APBA3: variants seen among roughly 807,000 people sequenced by gnomAD.
The protein encoded by APBA3 is amyloid-beta A4 precursor protein-binding family A member 3.
In APBA3, 45 loss-of-function variants were observed where a neutral mutation model predicts 55.9. The ratio of observed to expected loss-of-function variants is 0.80; its 90% CI spans 0.63 to 1.03. The LOEUF (loss-of-function observed/expected upper bound fraction) is 1.03. APBA3 is among the 50% of genes least tolerant of loss of function. The pLI is 0.00. For synonymous variants in APBA3, 370 were observed against 353.3 expected (o/e 1.05, Z -0.53); for missense variants, 865 against 820.3 (o/e 1.05, Z -0.67).
At position 3,753,765 on chromosome 19, in the gene APBA3, G is replaced by T; in HGVS notation, c.1011C>A (p.Asp337Glu). The change falls in exon 6 of 11, where the codon GAC becomes GAA. Residue 337 changes from aspartate (D) to glutamate (E), a missense_variant and splice_region_variant. Physicochemically the swap from Asp to Glu is conservative, Grantham distance 45. Coordinates refer to ENST00000316757, the MANE Select transcript of APBA3 (RefSeq NM_004886.4). The stretch of plus-strand genomic sequence containing the variant: ...GTGGCCCCGCGCCCTGGCTGCTCAC[G>T]TCCTCCGCGTAGAATACGTGGCAGA... ...KMLCHVFYAEDAQLIAQAIGQ... is the reference protein window; with the variant it reads ...KMLCHVFYAEEAQLIAQAIGQ... The T allele has an allele frequency of 1.3e-6, 2 of 1,519,924 alleles. No homozygotes were observed. The highest frequency in any genetic ancestry group is 4.7e-5 in the East Asian group (2 of 42,730). The allele number at this position is 1,519,924 out of a possible 1,614,324, so 94.2% of individuals were successfully genotyped here.
rs1230598170 is a variant in APBA3 at position 3,752,506 on chromosome 19, AC to A, written c.1395+1del. The A allele has an allele frequency of 2.6e-6, 4 of 1,567,882 alleles. No homozygotes were observed. In the African/African-American group the frequency reaches 5.4e-5, roughly 21 times the overall value. Reference sequence around the variant, plus strand: ...GGGGCCCTGCCACACCAGGAAACTCACGCGGACAGCGGCCTGGCACGCAGCC... The same window carrying A: ...GGGGCCCTGCCACACCAGGAAACTCAGCGGACAGCGGCCTGGCACGCAGCC... On this transcript the variant is annotated splice_donor_variant, in intron 8 of 10. Transcript: ENST00000316757. LOFTEE classifies it high-confidence loss of function.
At chr19:3,758,375 C>A (rs2037104071) in intron 3 of APBA3, among the ~76,000 whole-genome samples, 1 of 152,262 alleles carries the variant, frequency 6.6e-6, no homozygotes. Flanking sequence ...TCTCCCGCCT[C>A]AACCTCCTGA....
rs372053726 is a variant in APBA3 at position 3,751,183 on chromosome 19, G to A, written c.1656+6C>T. The stretch of plus-strand genomic sequence containing the variant: ...CGCCCCTGGCCACCACCCACCACCC[G>A]CACACCTCGCCATAGGCCTCGGTGA... On this transcript the variant is annotated splice_donor_region_variant and intron_variant, in intron 10 of 10. Transcript: ENST00000316757. 2,903 of 1,552,196 alleles carry A rather than the reference G, an allele frequency of 1.9e-3. 2 individuals carry two copies. The highest frequency in any genetic ancestry group is 2.3e-3 in the Non-Finnish European group (2,606 of 1,148,548).
chr19:3,752,540 G>A lies in APBA3; in HGVS notation c.1363C>T (p.Leu455=), dbSNP rs745689949. ...TAINGTSLVG[L]PLAACQAAVR... ...GCGGCCTGGCACGCAGCCAGGGGCA[G>A]CCCCACCAGGCTGGTCCCGTTGATG... is the stretch of plus-strand genomic sequence containing the variant. Residue 455 remains leucine (L), a synonymous_variant, in exon 8 of 11, where the codon CTG becomes TTG. Transcript: ENST00000316757. The A allele has an allele frequency of 6.3e-7, 1 of 1,587,230 alleles. No individual in the cohort carries two copies. Among genetic ancestry groups the A allele is most frequent in the Non-Finnish European group, 8.5e-7 (1 of 1,171,808 alleles).
At chr19:3,754,625 C>A in intron 3 of APBA3, 1 of 397,664 alleles carries the variant, frequency 2.5e-6, no homozygotes, top group Non-Finnish European at 4.5e-6. Flanking sequence ...ATACCTTCAC[C>A]CCGTGTCCCC....
chr19:3,760,423 C>T lies in APBA3; in HGVS notation c.-37-122G>A, dbSNP rs1023866891. ...CCCAGGAGTTCAAGATCAGCCTGGG[C>T]AACAGAGCAAGACCCTCTCTCTACA... On this transcript the variant is annotated intron_variant, in intron 1 of 10. Coordinates refer to ENST00000316757, the MANE Select transcript of APBA3 (RefSeq NM_004886.4). 9 of 632,948 alleles carry T rather than the reference C, an allele frequency of 1.4e-5. No homozygotes were observed. The African/African-American group carries it at 1.7e-4, about 12-fold the overall frequency. 39.2% of individuals were successfully genotyped at this position (632,948 alleles called of 1,614,324 possible).
chr19:3,754,079 C>T lies in APBA3; in HGVS notation c.789G>A (p.Met263Ile), dbSNP rs760353050. Residue 263 changes from methionine (M) to isoleucine (I), a missense_variant, in exon 5 of 11, where the codon ATG (methionine) becomes ATA (isoleucine). By Grantham distance (10) the Met-to-Ile change is conservative. Coordinates refer to ENST00000316757, the MANE Select transcript of APBA3 (RefSeq NM_004886.4). ...VKAPDGETQPMTEVDLFVSTK... is the reference protein window; with the variant it reads ...VKAPDGETQPITEVDLFVSTK... ...TGGAGACGAACAGGTCCACCTCCGT[C>T]ATGGGCTGGGTCTCCCCATCGGGGG... is the stretch of plus-strand genomic sequence containing the variant. 3 of 1,609,390 alleles carry T rather than the reference C, an allele frequency of 1.9e-6. No individual in the cohort carries two copies. The highest frequency in any genetic ancestry group is 3.4e-5 in the Admixed American group (2 of 59,538).
intron 3 of APBA3, among the ~76,000 whole-genome samples, chr19:3,758,235 A>C (rs1034668639): frequency 6.6e-6 from 1 of 151,826 alleles, no homozygotes; most frequent in African/African-American, 2.4e-5. Context: ...CGCCCAGCTT[A>C]TGCACACTGA....
chr19:3,752,720 C>T lies in APBA3; in HGVS notation c.1183G>A (p.Val395Met), dbSNP rs1240205380. ...TCCCCTCGCCGCTTCTCGAGGTGCA[C>T]CTGGGACACACAGGGGGCGCGGAGG... ...HFSNSDNCRE[V>M]HLEKRRGEGL... The change falls in exon 8 of 11, where the codon GTG (valine) becomes ATG (methionine). Residue 395 changes from valine (V) to methionine (M), a missense_variant and splice_region_variant. Physicochemically the swap from Val to Met is conservative, Grantham distance 21. Transcript: ENST00000316757. 5 of 1,602,600 alleles carry T rather than the reference C, an allele frequency of 3.1e-6. No individual in the cohort carries two copies. Among genetic ancestry groups the T allele is most frequent in the Non-Finnish European group, 4.2e-6 (5 of 1,177,372 alleles).
chr19:3,750,987 T>C lies in APBA3; in HGVS notation c.*39A>G, dbSNP rs1232938745. On this transcript the variant is annotated 3_prime_UTR_variant, in exon 11 of 11. Coordinates refer to ENST00000316757, the MANE Select transcript of APBA3 (RefSeq NM_004886.4). The stretch of plus-strand genomic sequence containing the variant: ...GGCCCAGGATGGGGCTCCGGGGCCA[T>C]GGAGGCGAAGGCACAGTGGCAGGCA... The C allele has an allele frequency of 7.8e-6, 12 of 1,544,960 alleles. No homozygotes were observed. Among genetic ancestry groups the C allele is most frequent in the Non-Finnish European group, 1.1e-5 (12 of 1,140,448 alleles).
chr19:3,751,854 C>T (rs1376422675), intron 8 of APBA3: 11 of 394,880 alleles, frequency 2.8e-5, no homozygotes, highest in Non-Finnish European at 3.7e-5. Context: ...ATTCCTCTGA[C>T]GGGGGCAGGT....
intron 6 of APBA3, 67 bp downstream of exon 6, chr19:3,753,698 A>C: frequency 7.2e-7 from 1 of 1,397,618 alleles, no homozygotes. Flanking sequence ...TGCACGGCCC[A>C]CTGAGGGAGG....
At chr19:3,758,510 C>CA (rs1200311093) in intron 3 of APBA3, among the ~76,000 whole-genome samples, 3 of 152,008 alleles carry the variant, frequency 2.0e-5, no homozygotes, top group Non-Finnish European at 4.4e-5. Flanking sequence ...CCTCCTGCCT[C>CA]AGCCTCCCAA....
Position 3,750,923 on chromosome 19 carries a change from C to G in APBA3, c.*103G>C. 1 of 1,317,852 alleles carries G rather than the reference C, an allele frequency of 7.6e-7. No individual in the cohort carries two copies. The highest frequency in any genetic ancestry group is 1.1e-6 in the Non-Finnish European group (1 of 935,324). The allele number at this position is 1,317,852 out of a possible 1,614,324, so 81.6% of individuals were successfully genotyped here. ...ACTGTTTTTATATTAGGAAATCATA[C>G]AGGACCAAGAACCGCTGGGGTCCTG... On this transcript the variant is annotated 3_prime_UTR_variant, in exon 11 of 11. Transcript: ENST00000316757.
At chr19:3,758,086 T>G (rs769710805) in intron 3 of APBA3, among the ~76,000 whole-genome samples, 3 of 148,326 alleles carry the variant, frequency 2.0e-5, no homozygotes, top group Non-Finnish European at 3.0e-5. Context: ...AGGCGTGCAC[T>G]ACCATGCCCG....
intron 5 of APBA3, 43 bp from the exon 6 acceptor site, chr19:3,753,969 C>T (rs778801082): frequency 4.5e-6 from 7 of 1,572,458 alleles, no homozygotes; most frequent in Non-Finnish European, 5.2e-6. Flanking sequence ...GGGGCCGTGC[C>T]AGGCTCGATC....
At chr19:3,752,458 C>G in intron 8 of APBA3, 50 bp downstream of exon 8, 2 of 1,492,158 alleles carry the variant, frequency 1.3e-6, no homozygotes, top group Non-Finnish European at 1.8e-6. Context: ...CTCTGGGACT[C>G]AGCTCCCCTT....
chr19:3,756,942 T>C (rs900092344), intron 3 of APBA3, among the ~76,000 whole-genome samples: 21 of 152,196 alleles, frequency 1.4e-4, no homozygotes, highest in African/African-American at 3.9e-4. Context: ...TAGAACCAGA[T>C]GCCTCTGTTC....
rs746674939 is a variant in APBA3, at chr19:3,760,054, G to C, written c.211C>G (p.Leu71Val). Residue 71 changes from leucine to valine, a missense_variant, in exon 2 of 11, where the codon CTG becomes GTG. Coordinates refer to ENST00000316757, the MANE Select transcript of APBA3 (RefSeq NM_004886.4). ...GCTCCACCTGGGGATGGGCCCACCA[G>C]ATCGCCTGGCAGAGCTTCAAACTGC... ...VQQFEALPGD[L>V]VGPSPGGAPC... The C allele has an allele frequency of 9.9e-6, 16 of 1,613,272 alleles. No individual in the cohort carries two copies. In the South Asian group the frequency reaches 1.6e-4, roughly 17 times the overall value.
Sources: gnomAD v4.1 joint callset for allele counts (sites outside exome capture counted in the v4.1 genomes callset) on GRCh38, gnomAD v4.1.1 for gene constraint, MANE v1.5 for transcripts, NCBI Gene and HGNC (gene_info 2026-07-23, HGNC 2026-07-21) for gene names.